Variants in CNOT4 observed in about 807,000 individuals in gnomAD.
The protein encoded by CNOT4 is CCR4-associated factor 4.
In CNOT4, 8 loss-of-function variants were observed where a neutral mutation model predicts 73.8. That is an observed-to-expected ratio of 0.11 (90% CI 0.06 to 0.20). The LOEUF (loss-of-function observed/expected upper bound fraction) is 0.20. CNOT4 is among the 10% of genes least tolerant of loss of function. The pLI, the probability that CNOT4 is intolerant of heterozygous loss-of-function variation, is 1.00. For synonymous variants in CNOT4, 293 were observed against 321.1 expected, an observed-to-expected ratio of 0.91 and a Z score of 0.94; for missense variants, 564 against 883.4, an observed-to-expected ratio of 0.64 and a Z score of 4.58.
intron 10 of CNOT4, among the ~76,000 whole-genome samples, chr7:135,369,010 C>A (rs1795057107): frequency 6.6e-6 from 1 of 150,784 alleles, no homozygotes; most frequent in African/African-American, 2.4e-5. Flanking sequence ...TGGCAACAAG[C>A]CAATGGGTTT....
At chr7:135,508,060 G>A (rs1180961014) in intron 1 of CNOT4, among the ~76,000 whole-genome samples, 4 of 152,156 alleles carry the variant, frequency 2.6e-5, no homozygotes, top group African/African-American at 7.2e-5. Flanking sequence ...CAAATGTTAA[G>A]ATTCCAAATT....
chr7:135,461,252 T>C (rs1401139235), intron 1 of CNOT4, among the ~76,000 whole-genome samples: 2 of 152,196 alleles, frequency 1.3e-5, no homozygotes, highest in African/African-American at 4.8e-5. Flanking sequence ...CCACACAGAC[T>C]AATCAAAATT....
At chr7:135,466,717 C>T (rs1046444289) in intron 1 of CNOT4, among the ~76,000 whole-genome samples, 3 of 152,096 alleles carry the variant, frequency 2.0e-5, no homozygotes, top group African/African-American at 7.2e-5. Context: ...AACAGGTGTA[C>T]CATTTCTTAA....
At chr7:135,377,581 G>A (rs1795591305) in intron 10 of CNOT4, among the ~76,000 whole-genome samples, 1 of 152,034 alleles carries the variant, frequency 6.6e-6, no homozygotes, top group Non-Finnish European at 1.5e-5. Context: ...TTTGCAAATG[G>A]TGTCTCAATC....
chr7:135,459,748 G>T (rs1312906153), intron 1 of CNOT4, among the ~76,000 whole-genome samples: 2 of 152,134 alleles, frequency 1.3e-5, no homozygotes, highest in Non-Finnish European at 2.9e-5. Flanking sequence ...AGTCTCCAGC[G>T]GCATTAACCC....
chr7:135,367,083 C>T (rs1188403663), intron 10 of CNOT4, among the ~76,000 whole-genome samples: 1 of 152,112 alleles, frequency 6.6e-6, no homozygotes, highest in Non-Finnish European at 1.5e-5. Flanking sequence ...GCATTGCCGG[C>T]CTCTACCCAC....
At chr7:135,422,457 T>C in intron 2 of CNOT4, 104 bp from the exon 3 acceptor site, 2 of 650,478 alleles carry the variant, frequency 3.1e-6, no homozygotes, top group Non-Finnish European at 5.5e-6. Flanking sequence ...ATCTGTTACA[T>C]TCTCCCTTTA....
rs78298049 is a variant in CNOT4 at position 135,495,710 on chromosome 7, G to T, written c.-93+14179C>A. Among the ~76,000 whole-genome samples the T allele has an allele frequency of 1.2e-4, 5 of 43,332 alleles. 1 individual carries two copies. Among genetic ancestry groups the T allele is most frequent in the Non-Finnish European group, 3.4e-4 (5 of 14,864 alleles). The allele number at this position is 43,332 out of a possible 152,430, so 28.4% of individuals were successfully genotyped here. A position where few individuals can be genotyped will look rare whatever the true frequency, so the allele number is the denominator to read the frequency against. On this transcript the variant is annotated intron_variant, in intron 1 of 11. Transcript: ENST00000541284. ...AAAAAAAAAGAAAGAAAGAAAGAAAGAAAGAAAGAAAGAAAGAAAGAAAGA... is the reference window on the plus strand; with the variant it reads ...AAAAAAAAAGAAAGAAAGAAAGAAATAAAGAAAGAAAGAAAGAAAGAAAGA...
At chr7:135,467,630 G>A (rs1282315238) in intron 1 of CNOT4, among the ~76,000 whole-genome samples, 2 of 152,096 alleles carry the variant, frequency 1.3e-5, no homozygotes, top group Admixed American at 6.5e-5. Context: ...AAAGGCTCTC[G>A]AGCCCAGGGG....
intron 1 of CNOT4, among the ~76,000 whole-genome samples, chr7:135,489,063 A>AT (rs1363420281): frequency 2.0e-5 from 3 of 152,154 alleles, no homozygotes; most frequent in Non-Finnish European, 4.4e-5. Context: ...TTTAGTGAAT[A>AT]TATAACAGAT....
At chr7:135,473,980 TG>T (rs1801812656) in intron 1 of CNOT4, among the ~76,000 whole-genome samples, 2 of 146,514 alleles carry the variant, frequency 1.4e-5, no homozygotes, top group South Asian at 2.2e-4. Flanking sequence ...TGTCTTTTTG[TG>T]GTTTTTTTTT....
chr7:135,485,368 C>A lies in CNOT4; in HGVS notation c.-93+24521G>T, dbSNP rs115967120. ...TACAGGCTTGAGCCACCACAGCTGG[C>A]GGTTTTTTGTTTCTGTAGATATAGA... On this transcript the variant is annotated intron_variant, in intron 1 of 11. Coordinates refer to ENST00000541284, the MANE Select transcript of CNOT4 (RefSeq NM_001190850.2). Among the ~76,000 whole-genome samples, 37 of 151,986 alleles carry A rather than the reference C, an allele frequency of 2.4e-4. 1 individual carries two copies. Among genetic ancestry groups the A allele is most frequent in the African/African-American group, 8.2e-4 (34 of 41,332 alleles).
intron 7 of CNOT4, among the ~76,000 whole-genome samples, chr7:135,402,011 A>C (rs540129294): frequency 3.5e-4 from 54 of 152,272 alleles, no homozygotes; most frequent in Non-Finnish European, 6.8e-4. Flanking sequence ...CCTGTACATA[A>C]AAATTCAAAA....
chr7:135,444,329 G>A (rs1799684003), intron 1 of CNOT4: 1 of 625,078 alleles, frequency 1.6e-6, no homozygotes, highest in Admixed American at 2.2e-5. Flanking sequence ...GTTCCTAACA[G>A]TATTTTTGAC....
chr7:135,442,826 G>C (rs1252507083), intron 1 of CNOT4, among the ~76,000 whole-genome samples: 2 of 152,078 alleles, frequency 1.3e-5, no homozygotes, highest in Non-Finnish European at 2.9e-5. Context: ...GGGTGGCCAA[G>C]GCAGCAGGAC....
At chr7:135,467,560 T>A (rs1435429663) in intron 1 of CNOT4, among the ~76,000 whole-genome samples, 5 of 151,792 alleles carry the variant, frequency 3.3e-5, no homozygotes, top group Non-Finnish European at 7.4e-5. Context: ...AAATAAAAAA[T>A]AAATTAGCTG....
intron 1 of CNOT4, among the ~76,000 whole-genome samples, chr7:135,468,316 T>C (rs753322042): frequency 2.6e-5 from 4 of 152,182 alleles, no homozygotes; most frequent in Admixed American, 6.6e-5. Context: ...AGTTAATTTG[T>C]AGATTCCAGA....
At chr7:135,492,881 G>C (rs983524050) in intron 1 of CNOT4, among the ~76,000 whole-genome samples, 1 of 152,150 alleles carries the variant, frequency 6.6e-6, no homozygotes, top group South Asian at 2.1e-4. Flanking sequence ...CAGTATTAGA[G>C]GGACCATAGT....
intron 7 of CNOT4, among the ~76,000 whole-genome samples, chr7:135,410,050 T>C (rs1040575112): frequency 1.3e-5 from 2 of 152,108 alleles, no homozygotes; most frequent in Admixed American, 1.3e-4. Context: ...CCTGTTCATT[T>C]ACAGGATTTA....
Sources: allele counts gnomAD v4.1 joint callset (sites outside exome capture counted in the v4.1 genomes callset), GRCh38; gene constraint gnomAD v4.1.1; transcripts MANE v1.5; gene names NCBI Gene and HGNC (gene_info 2026-07-23, HGNC 2026-07-21).